CACNA2D3: variants seen among roughly 807,000 people sequenced by gnomAD.
The protein encoded by CACNA2D3 is calcium voltage-gated channel auxiliary subunit alpha2delta 3.
In CACNA2D3, 60 loss-of-function variants were observed where a neutral mutation model predicts 160.6. The observed-to-expected ratio is 0.37, with a 90% CI of 0.30 to 0.46. The LOEUF (loss-of-function observed/expected upper bound fraction) is 0.46, where lower values mean the gene tolerates loss of function less well. CACNA2D3 is among the 20% of genes least tolerant of loss of function. CACNA2D3 has a pLI of 1.00. For missense variants in CACNA2D3, 1,205 were observed against 1,365.0 expected (o/e 0.88, Z 1.85); for synonymous variants, 558 against 492.9 (o/e 1.13, Z -1.75).
At chr3:54,811,879 G>C in intron 13 of CACNA2D3, among the ~76,000 whole-genome samples, 1 of 152,186 alleles carries the variant, frequency 6.6e-6, no homozygotes. Context: ...TTGCTCTCTG[G>C]CTTTGTGACC....
At chr3:54,764,071 G>A (rs541613242) in intron 12 of CACNA2D3, 147 bp from the exon 13 acceptor site, 84 of 816,790 alleles carry the variant, frequency 1.0e-4, no homozygotes, top group Non-Finnish European at 1.5e-4. Flanking sequence ...AGCTAACGTT[G>A]AAAAGAAAAA....
intron 4 of CACNA2D3, among the ~76,000 whole-genome samples, chr3:54,495,737 G>T (rs1223453052): frequency 6.6e-6 from 1 of 152,140 alleles, no homozygotes; most frequent in Non-Finnish European, 1.5e-5. Flanking sequence ...TGGACAGAGT[G>T]AGACTCTGTC....
chr3:54,892,188 T>A (rs1272543532), intron 25 of CACNA2D3, among the ~76,000 whole-genome samples: 1 of 152,190 alleles, frequency 6.6e-6, no homozygotes, highest in Non-Finnish European at 1.5e-5. Flanking sequence ...AGAGCGATTG[T>A]TAAGACATGG....
Position 54,837,186 on chromosome 3 carries a change from A to G in CACNA2D3, c.1426A>G (p.Met476Val). 19 of 1,613,948 alleles carry G rather than the reference A, an allele frequency of 1.2e-5. No individual in the cohort carries two copies. The highest frequency in any genetic ancestry group is 1.6e-5 in the Non-Finnish European group (19 of 1,179,860). Reference sequence around the variant, plus strand: ...GACTGATGATCAGGGCCCCGTCCTGATGACCACTGTAGCCATGCCTGTGTT... The same window carrying G: ...GACTGATGATCAGGGCCCCGTCCTGGTGACCACTGTAGCCATGCCTGTGTT... The part of the protein sequence containing the change: ...KLTDDQGPVL[M>V]TTVAMPVFSK... The change falls in exon 15 of 38, where the codon ATG becomes GTG. Residue 476 changes from methionine (M) to valine (V), a missense_variant. Transcript: ENST00000474759.
intron 4 of CACNA2D3, among the ~76,000 whole-genome samples, chr3:54,422,920 G>A (rs763581671): frequency 1.3e-5 from 2 of 152,216 alleles, no homozygotes; most frequent in Non-Finnish European, 2.9e-5. Flanking sequence ...TGTGGGAAAA[G>A]CTAAAGCAAC....
chr3:54,643,163 C>T (rs909446746), intron 11 of CACNA2D3, among the ~76,000 whole-genome samples: 11 of 152,128 alleles, frequency 7.2e-5, no homozygotes, highest in Non-Finnish European at 1.2e-4. Context: ...AGGCCAAGTC[C>T]TTACTGCTTT....
At chr3:54,458,420 A>G (rs1575466028) in intron 4 of CACNA2D3, among the ~76,000 whole-genome samples, 3 of 150,320 alleles carry the variant, frequency 2.0e-5, no homozygotes, top group Non-Finnish European at 3.0e-5. Context: ...CATTTCTGAA[A>G]TACAGCTTTT....
Position 55,074,358 on chromosome 3 carries a change from A to AAAC in CACNA2D3, c.*153_*155dup, listed in dbSNP as rs1316619068. 13 of 642,266 alleles carry AAAC rather than the reference A, an allele frequency of 2.0e-5. No homozygotes were observed. Among genetic ancestry groups the AAAC allele is most frequent in the African/African-American group, 2.0e-4 (11 of 55,100 alleles). The allele number at this position is 642,266 out of a possible 1,614,324, so 39.8% of individuals were successfully genotyped here. A position where few individuals can be genotyped will look rare whatever the true frequency, so the allele number is the denominator to read the frequency against. On this transcript the variant is annotated 3_prime_UTR_variant, in exon 38 of 38. Transcript: ENST00000474759. ...CATGATTTTAAACTGTGCGTGATAT[A>AAAC]AACTCTTAAAGATATGTTGACAAAA...
chr3:54,439,808 A>G (rs113762524), intron 4 of CACNA2D3, among the ~76,000 whole-genome samples: 9 of 152,240 alleles, frequency 5.9e-5, no homozygotes, highest in African/African-American at 2.2e-4. Flanking sequence ...GAAAGGGGGA[A>G]CCAGCTCTCA....
chr3:54,480,017 C>T (rs1700907122), intron 4 of CACNA2D3, among the ~76,000 whole-genome samples: 1 of 152,054 alleles, frequency 6.6e-6, no homozygotes, highest in South Asian at 2.1e-4. Flanking sequence ...TAGGAAATTG[C>T]TCATCCCCAA....
chr3:54,379,024 T>C (rs957274413), intron 3 of CACNA2D3, among the ~76,000 whole-genome samples: 1 of 152,202 alleles, frequency 6.6e-6, no homozygotes, highest in Non-Finnish European at 1.5e-5. Flanking sequence ...TGATGTAAAC[T>C]CTAGGCTTAT....
intron 17 of CACNA2D3, among the ~76,000 whole-genome samples, chr3:54,866,569 AATT>A (rs1301079693): frequency 6.6e-6 from 1 of 152,168 alleles, no homozygotes; most frequent in Non-Finnish European, 1.5e-5. Flanking sequence ...ATAGATTATC[AATT>A]ATTAGCACAC....
intron 2 of CACNA2D3, among the ~76,000 whole-genome samples, chr3:54,205,058 A>G (rs908451360): frequency 2.0e-5 from 3 of 152,220 alleles, no homozygotes; most frequent in African/African-American, 7.2e-5. Context: ...GTAGAATAAA[A>G]TAATGAAGAC....
chr3:55,008,560 A>T (rs1703145367), intron 33 of CACNA2D3, among the ~76,000 whole-genome samples: 1 of 152,168 alleles, frequency 6.6e-6, no homozygotes, highest in South Asian at 2.1e-4. Flanking sequence ...ATGCCATTTG[A>T]TGGATAGTCA....
chr3:54,636,301 T>G (rs748977111), intron 10 of CACNA2D3, among the ~76,000 whole-genome samples: 25 of 151,740 alleles, frequency 1.6e-4, no homozygotes, highest in Non-Finnish European at 3.7e-4. Context: ...ATGGGGTGAA[T>G]ATCAGGTGGA....
At chr3:55,005,974 ATAAT>A (rs1703084615) in intron 32 of CACNA2D3, among the ~76,000 whole-genome samples, 1 of 152,250 alleles carries the variant, frequency 6.6e-6, no homozygotes, top group Non-Finnish European at 1.5e-5. Flanking sequence ...TAAAAAACAG[ATAAT>A]TAACACGGTT....
At position 54,626,931 on chromosome 3, in the gene CACNA2D3, T is replaced by G. The variant is rs1341053757; in HGVS notation, c.964-856T>G. ...TCGCAGTTACTTTCTTTAGTCCCCT[T>G]TAATCTCTAGCTAATGCTGAGCTTC... On this transcript the variant is annotated intron_variant, in intron 9 of 37. Coordinates refer to ENST00000474759, the MANE Select transcript of CACNA2D3 (RefSeq NM_018398.3). Among the ~76,000 whole-genome samples, 3 of 152,176 alleles carry G rather than the reference T, an allele frequency of 2.0e-5. No individual in the cohort carries two copies. In the East Asian group the frequency reaches 5.8e-4, roughly 29 times the overall value.
intron 2 of CACNA2D3, among the ~76,000 whole-genome samples, chr3:54,269,083 C>T (rs1346940119): frequency 4.6e-5 from 7 of 152,104 alleles, no homozygotes; most frequent in South Asian, 2.1e-4. Context: ...ATCCATTGAG[C>T]CCCTGCTCTG....
At chr3:54,686,047 C>T (rs1021128740) in intron 11 of CACNA2D3, among the ~76,000 whole-genome samples, 11 of 152,302 alleles carry the variant, frequency 7.2e-5, no homozygotes, top group African/African-American at 2.6e-4. Context: ...TTTGAATTGT[C>T]TCGATTCTCA....
Sources: gnomAD v4.1 joint callset for allele counts (sites outside exome capture counted in the v4.1 genomes callset) on GRCh38, gnomAD v4.1.1 for gene constraint, MANE v1.5 for transcripts, NCBI Gene and HGNC (gene_info 2026-07-23, HGNC 2026-07-21) for gene names.